Variants in LAMA2 observed in about 807,000 individuals in gnomAD.
The protein encoded by LAMA2 is laminin subunit alpha 2.
In LAMA2, 269 loss-of-function variants were observed where a neutral mutation model predicts 364.8. That is an observed-to-expected ratio of 0.74 (90% CI 0.67 to 0.82). LAMA2 has a LOEUF of 0.82. LAMA2 is among the 40% of genes least tolerant of loss of function. LAMA2 has a pLI of 0.00. For missense variants in LAMA2, 3,807 were observed against 3,873.2 expected, an observed-to-expected ratio of 0.98 and a Z score of 0.45; for synonymous variants, 1,379 against 1,370.6, an observed-to-expected ratio of 1.01 and a Z score of -0.14.
At position 129,283,960 on chromosome 6, in the gene LAMA2, G is replaced by A. The variant is rs544320986; in HGVS notation, c.2537+3813G>A. Among the ~76,000 whole-genome samples, 4 of 152,182 alleles carry A rather than the reference G, an allele frequency of 2.6e-5. No individual in the cohort carries two copies. The East Asian group carries it at 7.7e-4, about 29-fold the overall frequency. ...CAAGAGGCCACTCATATGTGGTTGTGCAGTTTGTACACTGCACAAAGGCAC... is the reference window on the plus strand; with the variant it reads ...CAAGAGGCCACTCATATGTGGTTGTACAGTTTGTACACTGCACAAAGGCAC... On this transcript the variant is annotated intron_variant, in intron 18 of 64. Coordinates refer to ENST00000421865, the MANE Select transcript of LAMA2 (RefSeq NM_000426.4).
At chr6:129,160,228 G>C (rs1779368038) in intron 8 of LAMA2, among the ~76,000 whole-genome samples, 1 of 152,048 alleles carries the variant, frequency 6.6e-6, no homozygotes, top group African/African-American at 2.4e-5. Flanking sequence ...TGAGTCTCTA[G>C]TTTTCTTCGT....
intron 4 of LAMA2, among the ~76,000 whole-genome samples, chr6:129,122,869 A>G (rs1022022933): frequency 1.3e-5 from 2 of 152,248 alleles, no homozygotes; most frequent in Non-Finnish European, 2.9e-5. Context: ...ATGAAGAACA[A>G]AAAGGACGAG....
chr6:129,221,695 G>A (rs1215336162), intron 12 of LAMA2, among the ~76,000 whole-genome samples: 2 of 152,038 alleles, frequency 1.3e-5, no homozygotes, highest in Non-Finnish European at 2.9e-5. Context: ...ATCTTTTAAA[G>A]TTTAATATTC....
intron 37 of LAMA2, 70 bp downstream of exon 37, chr6:129,393,325 C>G: frequency 8.8e-7 from 1 of 1,139,240 alleles, no homozygotes; most frequent in Non-Finnish European, 1.3e-6. Flanking sequence ...TTGAACATGG[C>G]TGGACTATTC....
chr6:128,895,239 C>T (rs79861131), intron 1 of LAMA2, among the ~76,000 whole-genome samples: 3,457 of 152,218 alleles, frequency 0.023, 47 homozygotes, highest in Non-Finnish European at 0.028. Context: ...TCTGCCATAT[C>T]ATCTGCCCTT....
intron 12 of LAMA2, among the ~76,000 whole-genome samples, chr6:129,197,297 G>A (rs1781908072): frequency 6.6e-6 from 1 of 152,166 alleles, no homozygotes; most frequent in African/African-American, 2.4e-5. Flanking sequence ...TCTGGCAAGA[G>A]ACATTCACCA....
At chr6:129,269,467 G>T (rs999540958) in intron 16 of LAMA2, among the ~76,000 whole-genome samples, 1 of 150,738 alleles carries the variant, frequency 6.6e-6, no homozygotes, top group Non-Finnish European at 1.5e-5. Context: ...TTGATGAAAC[G>T]TGACATTAGA....
intron 45 of LAMA2, among the ~76,000 whole-genome samples, chr6:129,452,726 T>C (rs1782742596): frequency 6.6e-6 from 1 of 152,170 alleles, no homozygotes; most frequent in Non-Finnish European, 1.5e-5. Context: ...AGAAGTTTGT[T>C]AGTTGCATGC....
chr6:129,050,071 ACAG>A lies in LAMA2; in HGVS notation c.272_274del (p.Ser91del). ...CCGCAGTGTCGAATCTGCAATCAAA[ACAG>A]CAGCAATCCAAACCGTATGTATTTT... On this transcript the variant is annotated inframe_deletion, in exon 2 of 65. Transcript: ENST00000421865. The A allele has an allele frequency of 6.2e-7, 1 of 1,614,172 alleles. No individual in the cohort carries two copies.
chr6:129,280,841 T>C (rs1157455883), intron 18 of LAMA2, among the ~76,000 whole-genome samples: 1 of 152,128 alleles, frequency 6.6e-6, no homozygotes, highest in East Asian at 1.9e-4. Flanking sequence ...CTCCCTCTGG[T>C]TTCAGCACTG....
At chr6:129,152,903 C>A (rs184403079) in intron 7 of LAMA2, among the ~76,000 whole-genome samples, 4 of 152,030 alleles carry the variant, frequency 2.6e-5, no homozygotes, top group Admixed American at 2.6e-4. Flanking sequence ...TAAAAAGAAC[C>A]GGTTCTAAAC....
intron 1 of LAMA2, among the ~76,000 whole-genome samples, chr6:129,007,040 A>G (rs913572483): frequency 6.6e-6 from 1 of 152,132 alleles, no homozygotes; most frequent in Non-Finnish European, 1.5e-5. Context: ...CTTTGTAGTT[A>G]CATTATTTAT....
chr6:128,918,429 T>C (rs1456021673), intron 1 of LAMA2, among the ~76,000 whole-genome samples: 1 of 152,164 alleles, frequency 6.6e-6, no homozygotes, highest in African/African-American at 2.4e-5. Flanking sequence ...TTCTAAATCA[T>C]CTCAAGTGAA....
At chr6:129,272,489 T>A (rs926975697) in intron 17 of LAMA2, among the ~76,000 whole-genome samples, 29 of 152,170 alleles carry the variant, frequency 1.9e-4, no homozygotes, top group African/African-American at 6.5e-4. Context: ...TATTAAAGTA[T>A]CAGAGTTGGA....
chr6:129,455,253 A>T (rs1248635719), intron 47 of LAMA2, among the ~76,000 whole-genome samples: 2 of 152,052 alleles, frequency 1.3e-5, no homozygotes, highest in Admixed American at 1.3e-4. Flanking sequence ...TTAAAAAAAA[A>T]AGTTATAAAA....
At chr6:129,349,482 A>G (rs1776740979) in intron 31 of LAMA2, 98 bp downstream of exon 31, 2 of 952,524 alleles carry the variant, frequency 2.1e-6, no homozygotes, top group South Asian at 1.3e-5. Flanking sequence ...GAACTTCAAT[A>G]TTTGCATATC....
chr6:129,420,881 C>G (rs1781039283), intron 40 of LAMA2, among the ~76,000 whole-genome samples: 1 of 152,120 alleles, frequency 6.6e-6, no homozygotes, highest in Non-Finnish European at 1.5e-5. Flanking sequence ...TTTCTGTGTT[C>G]CATTATGGTA....
intron 10 of LAMA2, among the ~76,000 whole-genome samples, chr6:129,181,487 T>C (rs1466321778): frequency 1.3e-5 from 2 of 151,934 alleles, no homozygotes; most frequent in South Asian, 2.1e-4. Context: ...AAATAGACGC[T>C]ATATTAAAAT....
intron 62 of LAMA2, among the ~76,000 whole-genome samples, chr6:129,508,834 G>C (rs1051034118): frequency 6.6e-6 from 1 of 152,142 alleles, no homozygotes; most frequent in African/African-American, 2.4e-5. Flanking sequence ...TGGGAGTGCA[G>C]ATATCTCTTC....
Sources: allele counts gnomAD v4.1 joint callset (sites outside exome capture counted in the v4.1 genomes callset), GRCh38; gene constraint gnomAD v4.1.1; transcripts MANE v1.5; gene names NCBI Gene and HGNC (gene_info 2026-07-23, HGNC 2026-07-21).